The following CCSER1 variants were observed in gnomAD, a reference collection of about 807,000 sequenced individuals.
The protein encoded by CCSER1 is serine-rich coiled-coil domain-containing protein 1.
Under a neutral mutation model 82.0 loss-of-function variants are expected in CCSER1, and 41 were observed. The ratio of observed to expected loss-of-function variants is 0.50; its 90% CI spans 0.39 to 0.65. The LOEUF is 0.65. Ranked by LOEUF, CCSER1 falls within the 30% of genes least tolerant of loss-of-function variation. CCSER1 has a pLI of 0.00. For synonymous variants in CCSER1, 414 were observed against 383.9 expected (o/e 1.08, Z -0.92); for missense variants, 1,119 against 1,064.2 (o/e 1.05, Z -0.72).
intron 10 of CCSER1, among the ~76,000 whole-genome samples, chr4:91,212,586 TG>T (rs1416034891): frequency 6.6e-6 from 1 of 152,118 alleles, no homozygotes; most frequent in Non-Finnish European, 1.5e-5. Flanking sequence ...TAGAATTAAA[TG>T]GAAAGAAGCA....
chr4:91,438,566 A>G (rs1287378605), intron 10 of CCSER1, among the ~76,000 whole-genome samples: 1 of 152,214 alleles, frequency 6.6e-6, no homozygotes, highest in East Asian at 1.9e-4. Context: ...TACTCTAAAA[A>G]GCAGAGCGCC....
chr4:90,290,791 T>C (rs1420219309), intron 1 of CCSER1, among the ~76,000 whole-genome samples: 1 of 152,038 alleles, frequency 6.6e-6, no homozygotes, highest in African/African-American at 2.4e-5. Context: ...GGAATACTAA[T>C]TTGGAATACT....
intron 1 of CCSER1, among the ~76,000 whole-genome samples, chr4:90,244,004 AC>A (rs955089967): frequency 2.6e-4 from 39 of 152,220 alleles, no homozygotes; most frequent in African/African-American, 8.9e-4. Flanking sequence ...AATAATTATC[AC>A]AATAGTGAAT....
chr4:90,479,660 A>C (rs943421322), intron 5 of CCSER1, among the ~76,000 whole-genome samples: 2 of 152,088 alleles, frequency 1.3e-5, no homozygotes, highest in African/African-American at 4.8e-5. Flanking sequence ...GTTTGCTGAG[A>C]ATGATGGCTG....
intron 10 of CCSER1, among the ~76,000 whole-genome samples, chr4:91,357,657 T>G (rs1200655604): frequency 6.6e-6 from 1 of 152,104 alleles, no homozygotes; most frequent in Non-Finnish European, 1.5e-5. Context: ...ACTGTTTTTT[T>G]TAATGGTACT....
intron 10 of CCSER1, among the ~76,000 whole-genome samples, chr4:91,416,668 T>C (rs550569612): frequency 2.6e-5 from 4 of 152,304 alleles, no homozygotes; most frequent in African/African-American, 9.6e-5. Context: ...AAATTGAAAC[T>C]GGACCCCTTC....
intron 10 of CCSER1, among the ~76,000 whole-genome samples, chr4:91,328,167 C>T (rs1746697368): frequency 6.6e-6 from 1 of 152,174 alleles, no homozygotes; most frequent in African/African-American, 2.4e-5. Flanking sequence ...CAAGACCCAA[C>T]TCCTGATTTC....
chr4:91,043,694 G>A (rs1285784050), intron 9 of CCSER1, among the ~76,000 whole-genome samples: 5 of 148,358 alleles, frequency 3.4e-5, no homozygotes, highest in South Asian at 4.3e-4. Flanking sequence ...GGGTTCATGC[G>A]ATTCTCCTGC....
chr4:90,479,724 G>C (rs1022083485), intron 5 of CCSER1, among the ~76,000 whole-genome samples: 1 of 152,128 alleles, frequency 6.6e-6, no homozygotes, highest in Non-Finnish European at 1.5e-5. Flanking sequence ...TTTTATGGCT[G>C]TATAGTATTC....
intron 10 of CCSER1, among the ~76,000 whole-genome samples, chr4:91,362,674 A>G (rs1749329472): frequency 6.6e-6 from 1 of 151,782 alleles, no homozygotes; most frequent in African/African-American, 2.4e-5. Flanking sequence ...TAGAGTGGAA[A>G]CTTTACAAGT....
At chr4:90,748,334 G>A (rs200855317) in intron 7 of CCSER1, among the ~76,000 whole-genome samples, 14 of 147,654 alleles carry the variant, frequency 9.5e-5, no homozygotes, top group East Asian at 6.3e-4. Flanking sequence ...ATGATTTCCA[G>A]TTTCATCCAT....
intron 10 of CCSER1, among the ~76,000 whole-genome samples, chr4:91,139,532 T>C (rs1728823807): frequency 6.6e-6 from 1 of 152,152 alleles, no homozygotes; most frequent in African/African-American, 2.4e-5. Context: ...AGAGGTAGTG[T>C]GATGCAGAGA....
chr4:91,454,882 C>T lies in CCSER1; in HGVS notation c.2218-143690C>T, dbSNP rs920212274. Among the ~76,000 whole-genome samples, 13 of 151,882 alleles carry T rather than the reference C, an allele frequency of 8.6e-5. No individual in the cohort carries two copies. The South Asian group carries it at 1.5e-3, about 17-fold the overall frequency. On this transcript the variant is annotated intron_variant, in intron 10 of 10. Coordinates refer to ENST00000509176, the MANE Select transcript of CCSER1 (RefSeq NM_001145065.2). The stretch of plus-strand genomic sequence containing the variant: ...AATTCCCTTGTTCTAACCCTTTTAG[C>T]ATCTCGATTTTGAAATGTTCACAGT...
rs145325120 is a variant in CCSER1 at position 90,762,733 on chromosome 4, G to A, written c.2010+38742G>A. ...TGTTTGATATGAAAAAATACATGTA[G>A]TGGGCTGAAAATGGTTCTCCCAAAT... On this transcript the variant is annotated intron_variant, in intron 7 of 10. Transcript: ENST00000509176. Among the ~76,000 whole-genome samples the A allele has an allele frequency of 2.5e-3, 381 of 152,208 alleles. 1 individual carries two copies. The highest frequency in any genetic ancestry group is 8.9e-3 in the African/African-American group (370 of 41,542).
chr4:90,144,996 A>G (rs1433101877), intron 1 of CCSER1, among the ~76,000 whole-genome samples: 1 of 152,102 alleles, frequency 6.6e-6, no homozygotes, highest in East Asian at 1.9e-4. Flanking sequence ...TCGTTTCAAT[A>G]AGCAATCTAT....
chr4:90,746,107 C>G (rs926425704), intron 7 of CCSER1, among the ~76,000 whole-genome samples: 2 of 152,068 alleles, frequency 1.3e-5, no homozygotes, highest in African/African-American at 4.8e-5. Flanking sequence ...CTCCCTGAAG[C>G]CTCAAAGTAG....
chr4:90,584,346 A>G (rs998063547), intron 5 of CCSER1, among the ~76,000 whole-genome samples: 11 of 152,196 alleles, frequency 7.2e-5, no homozygotes, highest in Non-Finnish European at 1.2e-4. Flanking sequence ...ACGGCAAAGA[A>G]TGAAGGTGGC....
intron 5 of CCSER1, among the ~76,000 whole-genome samples, chr4:90,575,834 A>G (rs927003456): frequency 1.4e-4 from 22 of 152,194 alleles, no homozygotes; most frequent in African/African-American, 5.1e-4. Context: ...GTTACTGTCA[A>G]GAAGCCTGAT....
chr4:90,435,372 A>C (rs558722793), intron 4 of CCSER1, among the ~76,000 whole-genome samples: 1 of 152,250 alleles, frequency 6.6e-6, no homozygotes, highest in Admixed American at 6.5e-5. Context: ...ATAAAAATAA[A>C]AGAAACAGAA....
Sources: gnomAD v4.1 joint callset for allele counts (sites outside exome capture counted in the v4.1 genomes callset) on GRCh38, gnomAD v4.1.1 for gene constraint, MANE v1.5 for transcripts, NCBI Gene and HGNC (gene_info 2026-07-23, HGNC 2026-07-21) for gene names.